SORBS2: variants seen among roughly 807,000 people sequenced by gnomAD.
SORBS2 encodes the protein sorbin and SH3 domain containing 2, also known as sorbin and SH3 domain-containing protein 2.
A neutral mutation model predicts 97.7 loss-of-function variants in SORBS2; 46 were observed. The ratio of observed to expected loss-of-function variants is 0.47; its 90% CI spans 0.37 to 0.60. SORBS2 has a LOEUF of 0.60. Among genes scored for constraint, SORBS2 ranks in the 20% least tolerant of loss-of-function variants. SORBS2 has a pLI of 0.00. For synonymous variants in SORBS2, 476 were observed against 473.4 expected (o/e 1.01, Z -0.07); for missense variants, 1,316 against 1,282.3 (o/e 1.03, Z -0.40).
chr4:185,815,046 T>C (rs2099192449), intron 1 of SORBS2, among the ~76,000 whole-genome samples: 1 of 152,270 alleles, frequency 6.6e-6, no homozygotes, highest in Non-Finnish European at 1.5e-5. Context: ...ATACCACCTA[T>C]GTGGCCAGCA....
At chr4:185,842,911 G>A (rs2099212445) in intron 1 of SORBS2, among the ~76,000 whole-genome samples, 1 of 137,680 alleles carries the variant, frequency 7.3e-6, no homozygotes, top group South Asian at 2.4e-4. Context: ...CTCCAGCCTG[G>A]CGACAGAGAA....
At chr4:185,949,477 C>G (rs1370272023) in intron 1 of SORBS2, among the ~76,000 whole-genome samples, 1 of 151,990 alleles carries the variant, frequency 6.6e-6, no homozygotes, top group Non-Finnish European at 1.5e-5. Context: ...AAGTCATCAA[C>G]TACCAAAATG....
intron 1 of SORBS2, among the ~76,000 whole-genome samples, chr4:185,944,308 G>A (rs1335154939): frequency 6.6e-6 from 1 of 152,176 alleles, no homozygotes; most frequent in Non-Finnish European, 1.5e-5. Context: ...ACTAGCCTGG[G>A]CCTAGTTTCC....
At chr4:185,724,842 G>C (rs1438982672) in intron 2 of SORBS2, among the ~76,000 whole-genome samples, 3 of 152,086 alleles carry the variant, frequency 2.0e-5, no homozygotes, top group Non-Finnish European at 4.4e-5. Flanking sequence ...TTCCTGAGTT[G>C]ATTATTCTTT....
At chr4:185,761,299 CAA>C (rs2098888795) in intron 2 of SORBS2, among the ~76,000 whole-genome samples, 2 of 152,274 alleles carry the variant, frequency 1.3e-5, no homozygotes, top group South Asian at 2.1e-4. Context: ...AGTTTTTCTC[CAA>C]AGTCACATTC....
rs1293002921 is a variant in SORBS2, at chr4:185,760,678, G to C, written c.-198+14549C>G. On this transcript the variant is annotated intron_variant, in intron 2 of 20. Transcript: ENST00000284776. ...TAGAACAATACTGATCCCTGGCAAA[G>C]ATACACCACAAAAAAGCTCGGCTGC... is the stretch of plus-strand genomic sequence containing the variant. Among the ~76,000 whole-genome samples, 3 of 152,350 alleles carry C rather than the reference G, an allele frequency of 2.0e-5. No homozygotes were observed. In the East Asian group the frequency reaches 5.8e-4, roughly 29 times the overall value.
intron 1 of SORBS2, among the ~76,000 whole-genome samples, chr4:185,946,661 A>T (rs2099274705): frequency 6.6e-6 from 1 of 152,220 alleles, no homozygotes; most frequent in Non-Finnish European, 1.5e-5. Context: ...TTCTCCTCTA[A>T]ATGATGAACT....
At chr4:185,899,669 G>C (rs188130175) in intron 1 of SORBS2, among the ~76,000 whole-genome samples, 1 of 152,182 alleles carries the variant, frequency 6.6e-6, no homozygotes, top group South Asian at 2.1e-4. Context: ...TCAAGGGCTT[G>C]ATATCCAGAG....
chr4:185,928,522 C>G (rs1301946780), intron 1 of SORBS2, among the ~76,000 whole-genome samples: 1 of 152,198 alleles, frequency 6.6e-6, no homozygotes, highest in Non-Finnish European at 1.5e-5. Context: ...GCCCCAGTAT[C>G]TCATGGATTT....
chr4:185,897,319 A>C (rs1212558084), intron 1 of SORBS2, among the ~76,000 whole-genome samples: 2 of 152,204 alleles, frequency 1.3e-5, no homozygotes, highest in Admixed American at 6.5e-5. Context: ...CACCAGAAGG[A>C]AGGAAAGCTG....
intron 1 of SORBS2, among the ~76,000 whole-genome samples, chr4:185,948,049 T>C (rs1010339454): frequency 6.6e-6 from 1 of 152,120 alleles, no homozygotes; most frequent in South Asian, 2.1e-4. Flanking sequence ...TGTATTTTTG[T>C]TGTTGTTGTT....
At chr4:185,730,451 A>G (rs2098608840) in intron 2 of SORBS2, among the ~76,000 whole-genome samples, 2 of 152,128 alleles carry the variant, frequency 1.3e-5, no homozygotes, top group South Asian at 2.1e-4. Context: ...GGTGTCACCC[A>G]TTGTGTGCAG....
At chr4:185,940,759 C>T (rs1335421794) in intron 1 of SORBS2, among the ~76,000 whole-genome samples, 1 of 152,210 alleles carries the variant, frequency 6.6e-6, no homozygotes, top group Non-Finnish European at 1.5e-5. Flanking sequence ...CCCAGGTTTT[C>T]TCATCGCTGC....
At position 185,809,455 on chromosome 4, in the gene SORBS2, C is replaced by CAAAAAAAAA. The variant is rs55713465; in HGVS notation, c.-337-34098_-337-34090dup. Among the ~76,000 whole-genome samples the CAAAAAAAAA allele has an allele frequency of 5.1e-3, 239 of 47,290 alleles. 56 individuals carry two copies. Among genetic ancestry groups the CAAAAAAAAA allele is most frequent in the African/African-American group, 0.019 (220 of 11,560 alleles). The allele number at this position is 47,290 out of a possible 152,430, so 31.0% of individuals were successfully genotyped here. ...GACTCTTCAGGGGGCACTGCATTTG[C>CAAAAAAAAA]AAAAAAAAAAAAAAAAAAAAAAAAA... On this transcript the variant is annotated intron_variant, in intron 1 of 20. Transcript: ENST00000284776.
At chr4:185,618,979 A>G (rs2096669233) in intron 8 of SORBS2, among the ~76,000 whole-genome samples, 1 of 152,212 alleles carries the variant, frequency 6.6e-6, no homozygotes, top group South Asian at 2.1e-4. Flanking sequence ...CAATGGCTCT[A>G]TGTTCTATGG....
At chr4:185,600,713 T>C (rs1039156465) in intron 12 of SORBS2, among the ~76,000 whole-genome samples, 5 of 152,228 alleles carry the variant, frequency 3.3e-5, no homozygotes, top group African/African-American at 9.6e-5. Context: ...TGCTTTTTCA[T>C]CTTATTGAAG....
intron 1 of SORBS2, among the ~76,000 whole-genome samples, chr4:185,934,622 C>A (rs997178285): frequency 5.3e-5 from 8 of 151,860 alleles, no homozygotes; most frequent in Admixed American, 3.3e-4. Context: ...ACAACAACAA[C>A]AACAACAACA....
chr4:185,847,812 C>T (rs1440360306), intron 1 of SORBS2, among the ~76,000 whole-genome samples: 1 of 152,182 alleles, frequency 6.6e-6, no homozygotes, highest in African/African-American at 2.4e-5. Context: ...ATCTGTTCAT[C>T]AGGTAGAAAC....
At chr4:185,936,775 C>T (rs527379778) in intron 1 of SORBS2, among the ~76,000 whole-genome samples, 70 of 152,214 alleles carry the variant, frequency 4.6e-4, no homozygotes, top group Non-Finnish European at 8.5e-4. Context: ...TTTCCCTTTC[C>T]GTCTGCTTCT....
Sources: allele counts gnomAD v4.1 joint callset (sites outside exome capture counted in the v4.1 genomes callset), GRCh38; gene constraint gnomAD v4.1.1; transcripts MANE v1.5; gene names NCBI Gene and HGNC (gene_info 2026-07-23, HGNC 2026-07-21).